The following GPC6 variants were observed in gnomAD, a reference collection of about 807,000 sequenced individuals.
The protein encoded by GPC6 is glypican 6.
In GPC6, 14 loss-of-function variants were observed where a neutral mutation model predicts 55.2. That is an observed-to-expected ratio of 0.25 (90% CI 0.17 to 0.40). GPC6 has a LOEUF of 0.40. Ranked by LOEUF, GPC6 falls within the 10% of genes least tolerant of loss-of-function variation. The pLI is 1.00. For missense variants in GPC6, 641 were observed against 708.5 expected, an observed-to-expected ratio of 0.90 and a Z score of 1.08; for synonymous variants, 278 against 259.6, an observed-to-expected ratio of 1.07 and a Z score of -0.68.
rs1261437048 is a variant in GPC6, at chr13:94,241,409, C to G, written c.878-44940C>G. ...TGGCTTTCTGGCATACATTTTTGGTCTTAAGGAAGTCCTGCCTCCATGAGA... is the reference window on the plus strand; with the variant it reads ...TGGCTTTCTGGCATACATTTTTGGTGTTAAGGAAGTCCTGCCTCCATGAGA... On this transcript the variant is annotated intron_variant, in intron 4 of 8. Coordinates refer to ENST00000377047, the MANE Select transcript of GPC6 (RefSeq NM_005708.5). Among the ~76,000 whole-genome samples, 12 of 152,072 alleles carry G rather than the reference C, an allele frequency of 7.9e-5. No homozygotes were observed. The East Asian group carries it at 2.1e-3, about 27-fold the overall frequency.
At chr13:93,804,725 C>T (rs1886490118) in intron 2 of GPC6, among the ~76,000 whole-genome samples, 1 of 152,118 alleles carries the variant, frequency 6.6e-6, no homozygotes, top group South Asian at 2.1e-4. Flanking sequence ...CCAAATCAAC[C>T]ACCAGGAACC....
intron 1 of GPC6, among the ~76,000 whole-genome samples, chr13:93,511,212 T>G (rs1296592620): frequency 6.6e-6 from 1 of 151,032 alleles, no homozygotes; most frequent in Non-Finnish European, 1.5e-5. Context: ...CCCTTTTGTC[T>G]CCTAGATTTT....
At chr13:93,632,524 A>C (rs1879491671) in intron 2 of GPC6, among the ~76,000 whole-genome samples, 1 of 108,550 alleles carries the variant, frequency 9.2e-6, no homozygotes, top group Admixed American at 9.3e-5. Context: ...TGGGAGGATC[A>C]CCTGAGCCTG....
At chr13:93,892,080 A>C (rs779582812) in intron 3 of GPC6, among the ~76,000 whole-genome samples, 11 of 152,110 alleles carry the variant, frequency 7.2e-5, no homozygotes, top group Admixed American at 6.6e-4. Flanking sequence ...ACACATGTAC[A>C]CACTACACAT....
intron 3 of GPC6, among the ~76,000 whole-genome samples, chr13:93,977,557 A>AT (rs1390910554): frequency 4.5e-5 from 6 of 134,622 alleles, no homozygotes; most frequent in African/African-American, 1.4e-4. Context: ...ATATGTGCTG[A>AT]TTTTTTTCCT....
At chr13:93,439,686 T>TG (rs1877707658) in intron 1 of GPC6, among the ~76,000 whole-genome samples, 3 of 128,278 alleles carry the variant, frequency 2.3e-5, no homozygotes, top group African/African-American at 9.1e-5. Context: ...TAAAATAAAA[T>TG]AAATAAAAAA....
intron 4 of GPC6, among the ~76,000 whole-genome samples, chr13:94,186,582 G>A (rs945955921): frequency 9.9e-5 from 15 of 152,152 alleles, no homozygotes; most frequent in African/African-American, 3.4e-4. Context: ...CCTTGGCTAC[G>A]ATGTTGGTGG....
chr13:93,317,968 G>A (rs1432691091), intron 1 of GPC6, among the ~76,000 whole-genome samples: 2 of 152,118 alleles, frequency 1.3e-5, no homozygotes, highest in Non-Finnish European at 2.9e-5. Flanking sequence ...AATGCTTTTT[G>A]TCATACTCAT....
At chr13:93,712,937 T>G (rs1420379780) in intron 2 of GPC6, among the ~76,000 whole-genome samples, 1 of 151,466 alleles carries the variant, frequency 6.6e-6, no homozygotes, top group Non-Finnish European at 1.5e-5. Flanking sequence ...TTAAAAAAAT[T>G]TCTAAAAGTA....
intron 4 of GPC6, among the ~76,000 whole-genome samples, chr13:94,028,603 T>C (rs1354544549): frequency 1.3e-5 from 2 of 152,182 alleles, no homozygotes; most frequent in Non-Finnish European, 2.9e-5. Context: ...CTTGAACTCC[T>C]AGAATGAAAA....
intron 1 of GPC6, among the ~76,000 whole-genome samples, chr13:93,513,160 G>T (rs780880861): frequency 1.3e-5 from 2 of 152,086 alleles, no homozygotes; most frequent in African/African-American, 2.4e-5. Context: ...GCTTCTGTTG[G>T]GAATCAAGCG....
intron 6 of GPC6, among the ~76,000 whole-genome samples, chr13:94,380,413 G>A (rs1234420603): frequency 6.6e-6 from 1 of 151,704 alleles, no homozygotes; most frequent in Non-Finnish European, 1.5e-5. Context: ...GTGAGAAATT[G>A]TTTTTCACAT....
intron 1 of GPC6, among the ~76,000 whole-genome samples, chr13:93,521,832 A>G (rs1881432681): frequency 6.6e-6 from 1 of 151,974 alleles, no homozygotes; most frequent in Non-Finnish European, 1.5e-5. Flanking sequence ...TAATGATGGG[A>G]AAACTCCAAA....
intron 2 of GPC6, among the ~76,000 whole-genome samples, chr13:93,716,951 A>G (rs570631879): frequency 6.6e-6 from 1 of 151,760 alleles, no homozygotes; most frequent in African/African-American, 2.4e-5. Flanking sequence ...ACAATTGACT[A>G]CAGTAGTCAG....
intron 1 of GPC6, among the ~76,000 whole-genome samples, chr13:93,312,040 GA>G (rs1252703076): frequency 6.6e-6 from 1 of 152,090 alleles, no homozygotes; most frequent in Non-Finnish European, 1.5e-5. Flanking sequence ...AACTCATTAG[GA>G]AAGTTACTTT....
intron 2 of GPC6, among the ~76,000 whole-genome samples, chr13:93,698,102 A>G (rs545266999): frequency 6.6e-6 from 1 of 152,132 alleles, no homozygotes; most frequent in East Asian, 1.9e-4. Context: ...TATTCATCCA[A>G]ACTTAACTTC....
intron 1 of GPC6, among the ~76,000 whole-genome samples, chr13:93,376,638 G>C (rs1874914034): frequency 6.6e-6 from 1 of 152,188 alleles, no homozygotes; most frequent in Non-Finnish European, 1.5e-5. Flanking sequence ...ATGTTGGGTA[G>C]ACATCTTTAA....
chr13:93,231,397 G>GTGTATATA (rs1284453371), intron 1 of GPC6, among the ~76,000 whole-genome samples: 13 of 45,852 alleles, frequency 2.8e-4, no homozygotes, highest in East Asian at 1.5e-3. Flanking sequence ...ATATATATAT[G>GTGTATATA]TATATATATA....
chr13:94,142,185 T>C (rs1887403380), intron 4 of GPC6, among the ~76,000 whole-genome samples: 1 of 152,232 alleles, frequency 6.6e-6, no homozygotes, highest in Admixed American at 6.5e-5. Flanking sequence ...CACACCTATA[T>C]ACACGTGTGT....
Sources: allele counts gnomAD v4.1 joint callset (sites outside exome capture counted in the v4.1 genomes callset), GRCh38; gene constraint gnomAD v4.1.1; transcripts MANE v1.5; gene names NCBI Gene and HGNC (gene_info 2026-07-23, HGNC 2026-07-21).